Variants in TANC2 observed in about 807,000 individuals in gnomAD.
TANC2 encodes protein TANC2.
In TANC2, 26 loss-of-function variants were observed where a neutral mutation model predicts 210.5. The observed-to-expected ratio is 0.12, with a 90% CI of 0.09 to 0.17. The LOEUF is 0.17. Among genes scored for constraint, TANC2 ranks in the 10% least tolerant of loss-of-function variants. TANC2 has a pLI of 1.00. For missense variants in TANC2, 2,129 were observed against 2,608.9 expected, an observed-to-expected ratio of 0.82 and a Z score of 4.01; for synonymous variants, 931 against 967.1, an observed-to-expected ratio of 0.96 and a Z score of 0.69.
intron 2 of TANC2, among the ~76,000 whole-genome samples, chr17:63,063,991 C>T (rs1223893111): frequency 2.6e-5 from 4 of 151,892 alleles, no homozygotes; most frequent in African/African-American, 9.7e-5. Flanking sequence ...AGTATGTAAT[C>T]TTCAATATAT....
At chr17:63,351,438 A>G (rs778764046) in intron 13 of TANC2, 22 bp downstream of exon 13, 4 of 1,552,658 alleles carry the variant, frequency 2.6e-6, no homozygotes, top group Non-Finnish European at 3.5e-6. Flanking sequence ...TTTGCTTTTA[A>G]ACCATAAATG....
At chr17:63,365,233 G>A (rs2047075547) in intron 14 of TANC2, among the ~76,000 whole-genome samples, 1 of 149,278 alleles carries the variant, frequency 6.7e-6, no homozygotes, top group South Asian at 2.1e-4. Flanking sequence ...TTCAAAAGCG[G>A]GTAGATCTCC....
intron 2 of TANC2, among the ~76,000 whole-genome samples, chr17:63,049,571 A>G (rs1265743395): frequency 2.6e-5 from 4 of 152,214 alleles, no homozygotes; most frequent in Non-Finnish European, 4.4e-5. Flanking sequence ...GAAAAGTCAG[A>G]GAGCAAGAGT....
chr17:63,299,710 T>C (rs1453687675), intron 9 of TANC2, among the ~76,000 whole-genome samples: 1 of 152,196 alleles, frequency 6.6e-6, no homozygotes, highest in East Asian at 1.9e-4. Flanking sequence ...CGATTGCAAA[T>C]AGTTTCTCCC....
intron 4 of TANC2, among the ~76,000 whole-genome samples, chr17:63,108,361 G>C (rs1399025156): frequency 6.6e-6 from 1 of 151,792 alleles, no homozygotes; most frequent in African/African-American, 2.4e-5. Context: ...CATATTATAT[G>C]CCTGTATCCA....
At chr17:63,268,854 A>G (rs901209768) in intron 9 of TANC2, among the ~76,000 whole-genome samples, 6 of 152,140 alleles carry the variant, frequency 3.9e-5, no homozygotes, top group Admixed American at 6.6e-5. Context: ...TGGTATTTCT[A>G]TGCCTCTCGT....
chr17:63,312,832 C>G lies in TANC2; in HGVS notation c.1160-1556C>G, dbSNP rs140177656. Among the ~76,000 whole-genome samples the G allele has an allele frequency of 5.8e-3, 877 of 152,284 alleles. 2 individuals are homozygous for G. The highest frequency in any genetic ancestry group is 7.8e-3 in the Non-Finnish European group (532 of 68,002). ...ATCTCCACAGCTTCCCCTAACCCCCCACAACCCCACTTTAGTTAATGAAAA... is the reference window on the plus strand; with the variant it reads ...ATCTCCACAGCTTCCCCTAACCCCCGACAACCCCACTTTAGTTAATGAAAA... On this transcript the variant is annotated intron_variant, in intron 9 of 27. Coordinates refer to ENST00000689528, the Ensembl canonical transcript of TANC2.
At chr17:63,012,011 T>A (rs542094928) in intron 2 of TANC2, among the ~76,000 whole-genome samples, 1 of 150,776 alleles carries the variant, frequency 6.6e-6, no homozygotes, top group Non-Finnish European at 1.5e-5. Context: ...TTTGTGTTGA[T>A]CAAAACTTTT....
At chr17:63,350,085 A>C (rs2046549611) in intron 12 of TANC2, among the ~76,000 whole-genome samples, 1 of 152,242 alleles carries the variant, frequency 6.6e-6, no homozygotes, top group South Asian at 2.1e-4. Context: ...GGAGAAAAAC[A>C]ATAAGGGCTT....
Position 62,991,649 on chromosome 17 carries a change from A to C in TANC2, c.-23-17888A>C, listed in dbSNP as rs545737331. On this transcript the variant is annotated intron_variant, in intron 1 of 27. Coordinates refer to ENST00000689528, the Ensembl canonical transcript of TANC2. Reference sequence around the variant, plus strand: ...AGCGAGACTCCGTCTCAAAAAAAAAAAAAACAAAAAAACAAACAAAAAAAG... The same window carrying C: ...AGCGAGACTCCGTCTCAAAAAAAAACAAAACAAAAAAACAAACAAAAAAAG... Among the ~76,000 whole-genome samples the C allele has an allele frequency of 1.1e-4, 16 of 152,058 alleles. No homozygotes were observed. In the South Asian group the frequency reaches 1.5e-3, roughly 14 times the overall value.
intron 3 of TANC2, chr17:63,088,827 T>C (rs770282454): frequency 6.6e-6 from 1 of 152,238 alleles, no homozygotes; most frequent in Non-Finnish European, 1.5e-5. Flanking sequence ...CTTTTCATTT[T>C]GAATTCTCCC....
At chr17:63,311,611 A>G (rs576716143) in intron 9 of TANC2, among the ~76,000 whole-genome samples, 2 of 152,314 alleles carry the variant, frequency 1.3e-5, no homozygotes, top group Non-Finnish European at 2.9e-5. Context: ...AAGAGTTTCC[A>G]TATGAATCAG....
At chr17:63,068,360 AAATT>A in intron 2 of TANC2, among the ~76,000 whole-genome samples, 1 of 152,292 alleles carries the variant, frequency 6.6e-6, no homozygotes, top group Non-Finnish European at 1.5e-5. Context: ...GTGGAAATAA[AAATT>A]AACGCAACTG....
chr17:63,303,589 C>T lies in TANC2; in HGVS notation c.1160-10799C>T, dbSNP rs184652913. Among the ~76,000 whole-genome samples, 6 of 152,184 alleles carry T rather than the reference C, an allele frequency of 3.9e-5. No individual in the cohort carries two copies. In the East Asian group the frequency reaches 5.8e-4, roughly 15 times the overall value. On this transcript the variant is annotated intron_variant, in intron 9 of 27. Coordinates refer to ENST00000689528, the Ensembl canonical transcript of TANC2. ...TTATGTGTCTTGGGGTTGATCGTCT[C>T]GTGGAGTATCTTACTGGGGTTCTCT...
intron 11 of TANC2, among the ~76,000 whole-genome samples, chr17:63,326,402 A>G (rs1473573864): frequency 1.3e-5 from 2 of 152,166 alleles, no homozygotes; most frequent in Admixed American, 6.5e-5. Context: ...TAAAAATGAA[A>G]CCATGCAACT....
At chr17:63,099,126 A>G in intron 3 of TANC2, 49 bp from the exon 4 acceptor site, 1 of 1,548,048 alleles carries the variant, frequency 6.5e-7, no homozygotes, top group Non-Finnish European at 8.9e-7. Context: ...TTAATAGGGA[A>G]GGCAGGATCT....
intron 4 of TANC2, among the ~76,000 whole-genome samples, chr17:63,123,905 C>G (rs562967255): frequency 6.6e-4 from 100 of 151,914 alleles, no homozygotes; most frequent in Middle Eastern, 3.4e-3. Flanking sequence ...GTTTCACCAT[C>G]TTGGCCAGGC....
intron 4 of TANC2, among the ~76,000 whole-genome samples, chr17:63,140,133 C>T (rs550753854): frequency 2.0e-5 from 3 of 152,142 alleles, no homozygotes; most frequent in Non-Finnish European, 4.4e-5. Context: ...TTAACTAGAA[C>T]ATTAATCTGG....
intron 12 of TANC2, among the ~76,000 whole-genome samples, chr17:63,344,955 A>G (rs2046351741): frequency 6.6e-6 from 1 of 152,164 alleles, no homozygotes; most frequent in Non-Finnish European, 1.5e-5. Context: ...GACTACCCTG[A>G]GTTCACCATG....
Sources: allele counts gnomAD v4.1 joint callset (sites outside exome capture counted in the v4.1 genomes callset), GRCh38; gene constraint gnomAD v4.1.1; transcripts MANE v1.5; gene names NCBI Gene and HGNC (gene_info 2026-07-23, HGNC 2026-07-21).